The following GRID2 variants were observed in gnomAD, a reference collection of about 807,000 sequenced individuals.
GRID2 encodes the protein glutamate receptor ionotropic, delta-2.
Under a neutral mutation model 114.8 loss-of-function variants are expected in GRID2, and 33 were observed. The observed-to-expected ratio is 0.29, with a 90% CI of 0.22 to 0.38. The LOEUF is 0.38. Ranked by LOEUF, GRID2 falls within the 10% of genes least tolerant of loss-of-function variation. GRID2 has a pLI of 1.00. For synonymous variants in GRID2, 505 were observed against 449.9 expected (o/e 1.12, Z -1.55); for missense variants, 1,184 against 1,257.7 (o/e 0.94, Z 0.89).
chr4:93,725,127 T>C (rs1446678711), intron 14 of GRID2, among the ~76,000 whole-genome samples: 3 of 152,104 alleles, frequency 2.0e-5, no homozygotes, highest in African/African-American at 7.2e-5. Flanking sequence ...ATGCTATCAC[T>C]CACCCCTCCC....
chr4:92,657,781 A>T (rs573864360), intron 2 of GRID2, among the ~76,000 whole-genome samples: 3 of 151,886 alleles, frequency 2.0e-5, no homozygotes, highest in Admixed American at 6.6e-5. Context: ...CTTTCATAAT[A>T]CAGCCTTTGA....
In GRID2 at chr4:93,216,856, A is replaced by G. The variant is rs1190217018; in HGVS notation, c.908A>G (p.His303Arg). Residue 303 changes from histidine (H) to arginine (R), a missense_variant, in exon 6 of 16, where the codon CAT becomes CGT. His to Arg is a conservative substitution (Grantham distance 29). Transcript: ENST00000282020. ...NISQRCFRGN[H>R]RISSTLCDPK... is the part of the protein sequence containing the mutation. ...AGTCAGCGGTGTTTCCGTGGCAACC[A>G]TCGAATATCTTCAACATTGTGTGAT... 1 of 1,613,106 alleles carries G rather than the reference A, an allele frequency of 6.2e-7. No individual in the cohort carries two copies. Among genetic ancestry groups the G allele is most frequent in the Non-Finnish European group, 8.5e-7 (1 of 1,179,246 alleles).
rs1171606251 is a variant in GRID2 at position 93,772,199 on chromosome 4, A to T, written c.2725A>T (p.Thr909Ser). 1 of 1,614,086 alleles carries T rather than the reference A, an allele frequency of 6.2e-7. No individual in the cohort carries two copies. Among genetic ancestry groups the T allele is most frequent in the East Asian group, 2.2e-5 (1 of 44,866 alleles). Residue 909 changes from threonine to serine, a missense_variant, in exon 16 of 16, where the codon ACT becomes TCT. Physicochemically the swap from Thr to Ser is moderately conservative, Grantham distance 58. Transcript: ENST00000282020. The part of the protein sequence containing the change: ...SIDLTPLDID[T>S]LPTRQALEQI... ...TGATTTGACCCCTCTGGACATTGAC[A>T]CTTTGCCAACACGACAAGCACTGGA...
At chr4:93,384,760 T>C (rs1046704917) in intron 8 of GRID2, among the ~76,000 whole-genome samples, 1 of 152,190 alleles carries the variant, frequency 6.6e-6, no homozygotes, top group African/African-American at 2.4e-5. Flanking sequence ...CATTATTTCT[T>C]GCTGCATATC....
At chr4:92,890,722 A>G (rs998880436) in intron 2 of GRID2, among the ~76,000 whole-genome samples, 9 of 152,348 alleles carry the variant, frequency 5.9e-5, no homozygotes, top group African/African-American at 2.2e-4. Flanking sequence ...TCAAGGATAT[A>G]GAACCAGAAA....
intron 12 of GRID2, among the ~76,000 whole-genome samples, chr4:93,496,618 T>A (rs1013152658): frequency 6.6e-6 from 1 of 151,802 alleles, no homozygotes; most frequent in African/African-American, 2.4e-5. Flanking sequence ...AATATAGGAT[T>A]GAATCAGAGT....
At chr4:92,754,183 A>T (rs750303742) in intron 2 of GRID2, among the ~76,000 whole-genome samples, 6 of 152,204 alleles carry the variant, frequency 3.9e-5, no homozygotes, top group Non-Finnish European at 7.3e-5. Flanking sequence ...ACTAATGTAA[A>T]CTACAGTGCC....
At chr4:93,508,996 A>G (rs1475980744) in intron 12 of GRID2, among the ~76,000 whole-genome samples, 1 of 152,214 alleles carries the variant, frequency 6.6e-6, no homozygotes, top group Non-Finnish European at 1.5e-5. Context: ...TGAGTAAGGC[A>G]AAAGGTTGTT....
At chr4:92,348,065 C>G (rs955300770) in intron 1 of GRID2, among the ~76,000 whole-genome samples, 24 of 152,154 alleles carry the variant, frequency 1.6e-4, no homozygotes, top group Non-Finnish European at 3.1e-4. Flanking sequence ...AACTGATACT[C>G]CTTCCTCAGC....
intron 11 of GRID2, among the ~76,000 whole-genome samples, chr4:93,484,787 A>G (rs1262426565): frequency 2.0e-5 from 3 of 151,900 alleles, no homozygotes; most frequent in South Asian, 2.1e-4. Flanking sequence ...TTCACTACGC[A>G]TGAAGAAACC....
chr4:92,412,270 G>A (rs1316095517), intron 1 of GRID2, among the ~76,000 whole-genome samples: 2 of 151,750 alleles, frequency 1.3e-5, no homozygotes, highest in Non-Finnish European at 2.9e-5. Flanking sequence ...TTTCTAAATT[G>A]GAAACCAAGC....
At chr4:92,478,501 A>T (rs1488118331) in intron 1 of GRID2, among the ~76,000 whole-genome samples, 7 of 152,108 alleles carry the variant, frequency 4.6e-5, no homozygotes, top group African/African-American at 1.7e-4. Flanking sequence ...ATTTTTCTTT[A>T]GTGTCTTCCC....
chr4:92,508,619 T>G (rs1334662788), intron 1 of GRID2, among the ~76,000 whole-genome samples: 2 of 151,752 alleles, frequency 1.3e-5, no homozygotes, highest in Admixed American at 1.3e-4. Context: ...TATACCATGT[T>G]GTAGGAATGG....
chr4:93,441,272 A>C (rs1396666417), intron 10 of GRID2, among the ~76,000 whole-genome samples: 1 of 152,072 alleles, frequency 6.6e-6, no homozygotes, highest in African/African-American at 2.4e-5. Context: ...ACTTTTAAAG[A>C]CATTTCGGAT....
At chr4:93,172,150 A>G (rs1738889564) in intron 4 of GRID2, among the ~76,000 whole-genome samples, 1 of 152,186 alleles carries the variant, frequency 6.6e-6, no homozygotes. Flanking sequence ...TTGTTCAATT[A>G]AAATGCTTCT....
chr4:92,435,882 T>G (rs1040708789), intron 1 of GRID2, among the ~76,000 whole-genome samples: 1 of 152,152 alleles, frequency 6.6e-6, no homozygotes, highest in Non-Finnish European at 1.5e-5. Context: ...TTTATCAGAG[T>G]AGCTTGACAG....
rs140954352 is a variant in GRID2 at position 93,779,941 on chromosome 4, G to A, written c.221+10491G>A. 2.7e-3 allele frequency among the ~76,000 whole-genome samples: 416 copies of A among 152,282 alleles called. 2 individuals carry two copies. Among genetic ancestry groups the A allele is most frequent in the African/African-American group, 9.5e-3 (396 of 41,550 alleles). On this transcript the variant is annotated intron_variant, in intron 1 of 1. Coordinates refer to the GRID2 transcript ENST00000637838. ...AGAACACTACATCCTGTTTATTCAC[G>A]TATTCAACATATGTTTACCCAGGCC...
chr4:92,633,418 A>G (rs1297146762), intron 2 of GRID2, among the ~76,000 whole-genome samples: 2 of 152,170 alleles, frequency 1.3e-5, no homozygotes, highest in African/African-American at 4.8e-5. Flanking sequence ...AACAAACAAA[A>G]GAGCCAGATG....
intron 9 of GRID2, among the ~76,000 whole-genome samples, chr4:93,411,890 T>C (rs1363063530): frequency 6.6e-6 from 1 of 151,512 alleles, no homozygotes; most frequent in African/African-American, 2.4e-5. Flanking sequence ...CCCTGAACTA[T>C]GTTGAAATGC....
Sources: allele counts gnomAD v4.1 joint callset (sites outside exome capture counted in the v4.1 genomes callset), GRCh38; gene constraint gnomAD v4.1.1; transcripts MANE v1.5; gene names NCBI Gene and HGNC (gene_info 2026-07-23, HGNC 2026-07-21).